Variants in PTCHD4 observed in about 807,000 individuals in gnomAD.
PTCHD4 encodes patched domain-containing protein 4.
In PTCHD4, 33 loss-of-function variants were observed where a neutral mutation model predicts 58.1. The ratio of observed to expected loss-of-function variants is 0.57; its 90% CI spans 0.43 to 0.76. The LOEUF (loss-of-function observed/expected upper bound fraction) is 0.76. Ranked by LOEUF, PTCHD4 falls within the 30% of genes least tolerant of loss-of-function variation. PTCHD4 has a pLI of 0.00. For synonymous variants in PTCHD4, 478 were observed against 409.6 expected (o/e 1.17, Z -2.02); for missense variants, 1,058 against 1,027.1 (o/e 1.03, Z -0.41).
At chr6:47,927,454 C>G (rs1198475466) in intron 4 of PTCHD4, among the ~76,000 whole-genome samples, 1 of 152,104 alleles carries the variant, frequency 6.6e-6, no homozygotes, top group African/African-American at 2.4e-5. Flanking sequence ...TGCTTGAGCC[C>G]TTTGCCAAAC....
intron 4 of PTCHD4, among the ~76,000 whole-genome samples, chr6:47,917,010 T>C (rs1302812207): frequency 6.6e-6 from 1 of 152,108 alleles, no homozygotes; most frequent in Non-Finnish European, 1.5e-5. Flanking sequence ...ATTCATTCTC[T>C]AAACTACAAT....
At chr6:47,963,859 A>G (rs1237951634) in intron 4 of PTCHD4, among the ~76,000 whole-genome samples, 1 of 152,230 alleles carries the variant, frequency 6.6e-6, no homozygotes, top group Non-Finnish European at 1.5e-5. Flanking sequence ...GTAGTAGGGT[A>G]TCTTCTGCTA....
chr6:48,101,528 T>G (rs900462081), intron 1 of PTCHD4, among the ~76,000 whole-genome samples: 3 of 152,200 alleles, frequency 2.0e-5, no homozygotes, highest in African/African-American at 7.2e-5. Flanking sequence ...GATGTAGTCA[T>G]AAAGTGATTC....
intron 1 of PTCHD4, among the ~76,000 whole-genome samples, chr6:48,082,846 T>C (rs1303890028): frequency 5.9e-5 from 9 of 152,030 alleles, no homozygotes; most frequent in Non-Finnish European, 1.3e-4. Flanking sequence ...TACGAAATAA[T>C]TATTTATATT....
At chr6:48,102,104 C>T (rs1384255047) in intron 1 of PTCHD4, among the ~76,000 whole-genome samples, 1 of 152,234 alleles carries the variant, frequency 6.6e-6, no homozygotes, top group Non-Finnish European at 1.5e-5. Context: ...GCAGGGAATA[C>T]AGGTTAAACT....
At chr6:48,063,936 G>A (rs1228382455) in intron 3 of PTCHD4, among the ~76,000 whole-genome samples, 1 of 152,036 alleles carries the variant, frequency 6.6e-6, no homozygotes, top group Non-Finnish European at 1.5e-5. Flanking sequence ...AATAATTAAC[G>A]GCAACATCTT....
chr6:48,014,926 A>T (rs1006531353), intron 3 of PTCHD4, among the ~76,000 whole-genome samples: 1 of 152,118 alleles, frequency 6.6e-6, no homozygotes, highest in African/African-American at 2.4e-5. Flanking sequence ...TTTGGCTCCC[A>T]TGAAATGTTC....
At chr6:47,908,949 C>T (rs1466588276) in intron 4 of PTCHD4, among the ~76,000 whole-genome samples, 11 of 152,176 alleles carry the variant, frequency 7.2e-5, no homozygotes, top group East Asian at 1.9e-4. Context: ...AAAGACACAA[C>T]GCTTTGCTCA....
rs1351114538 is a variant in PTCHD4, at chr6:47,882,713, C to T, written c.899-2777G>A. Among the ~76,000 whole-genome samples the T allele has an allele frequency of 4.8e-5, 4 of 83,790 alleles. No individual in the cohort carries two copies. The East Asian group carries it at 1.8e-3, about 37-fold the overall frequency. The allele number at this position is 83,790 out of a possible 152,430, so 55.0% of individuals were successfully genotyped here. ...AGGGTCAGTTAAAGTCTCCTATTTG[C>T]TATGAATCCATTTCTAATGATTCCA... is the stretch of plus-strand genomic sequence containing the variant. On this transcript the variant is annotated intron_variant, in intron 4 of 4. Coordinates refer to ENST00000339488, the MANE Select transcript of PTCHD4 (RefSeq NM_001384253.1).
At chr6:48,074,511 T>G (rs1012405788) in intron 1 of PTCHD4, among the ~76,000 whole-genome samples, 25 of 152,230 alleles carry the variant, frequency 1.6e-4, no homozygotes, top group African/African-American at 5.5e-4. Context: ...AGATTTCCTC[T>G]TAAGTCTCAT....
chr6:47,917,716 A>C (rs921452671), intron 4 of PTCHD4, among the ~76,000 whole-genome samples: 2 of 152,178 alleles, frequency 1.3e-5, no homozygotes, highest in African/African-American at 4.8e-5. Flanking sequence ...ATGTGGAGTT[A>C]TTGGAAGTTT....
chr6:48,102,934 G>A (rs945005172), intron 1 of PTCHD4, among the ~76,000 whole-genome samples: 1 of 152,198 alleles, frequency 6.6e-6, no homozygotes. Flanking sequence ...TCAGGCTCGA[G>A]TAGGTAAACA....
chr6:48,044,075 C>T (rs1347874727), intron 3 of PTCHD4, among the ~76,000 whole-genome samples: 1 of 151,786 alleles, frequency 6.6e-6, no homozygotes, highest in Non-Finnish European at 1.5e-5. Flanking sequence ...TGAATTCTTT[C>T]CTGAGACTGG....
chr6:48,045,807 G>T (rs1342619068), intron 3 of PTCHD4, among the ~76,000 whole-genome samples: 1 of 149,682 alleles, frequency 6.7e-6, no homozygotes, highest in East Asian at 2.0e-4. Flanking sequence ...CAGCTCTGCA[G>T]CTTTGAGTAC....
rs572747215 is a variant in PTCHD4, at chr6:47,912,791, C to G, written c.899-32855G>C. Among the ~76,000 whole-genome samples the G allele has an allele frequency of 1.7e-4, 26 of 152,106 alleles. No individual in the cohort carries two copies. In the South Asian group the frequency reaches 5.2e-3, roughly 30 times the overall value. On this transcript the variant is annotated intron_variant, in intron 4 of 4. Coordinates refer to ENST00000339488, the MANE Select transcript of PTCHD4 (RefSeq NM_001384253.1). ...AAAATATTATCTGCAAGGCTTTGTT[C>G]CAAGAGCAGCACAGAGTGCAAAGTG...
chr6:48,110,095 T>C (rs1765833078), intron 1 of PTCHD4, among the ~76,000 whole-genome samples: 1 of 152,134 alleles, frequency 6.6e-6, no homozygotes, highest in Admixed American at 6.6e-5. Flanking sequence ...ATACAGCAAT[T>C]CCACCACTGA....
Position 48,008,790 on chromosome 6 carries a change from A to G in PTCHD4, c.742T>C (p.Ser248Pro). The change falls in exon 4 of 5, where the codon TCC becomes CCC. Residue 248 changes from serine (S) to proline (P), a missense_variant. By Grantham distance (74) the Ser-to-Pro change is moderately conservative. Coordinates refer to ENST00000339488, the MANE Select transcript of PTCHD4 (RefSeq NM_001384253.1). The stretch of plus-strand genomic sequence containing the variant: ...CGCAAGCAGTCCTTCATGGAGCTGG[A>G]GAGGGTGGCTGTGGTCAGGATCAGC... Reference protein sequence around the residue: ...LVLILTTATLSSSMKDCLRSK... With the variant: ...LVLILTTATLPSSMKDCLRSK... The G allele has an allele frequency of 6.2e-7, 1 of 1,613,978 alleles. No individual in the cohort carries two copies. Among genetic ancestry groups the G allele is most frequent in the South Asian group, 1.1e-5 (1 of 91,084 alleles).
chr6:47,876,743 G>T lies in PTCHD4; in HGVS notation c.*1560C>A, dbSNP rs1321671086. On this transcript the variant is annotated 3_prime_UTR_variant, in exon 5 of 5. Coordinates refer to ENST00000339488, the MANE Select transcript of PTCHD4 (RefSeq NM_001384253.1). ...CTGGAAATAAATTATGTTACTGCTT[G>T]GCATGGGAAAAGGCATTTTCTAGTA... 6.6e-6 allele frequency among the ~76,000 whole-genome samples: 1 copy of T among 151,980 alleles called. No homozygotes were observed. The highest frequency in any genetic ancestry group is 1.5e-5 in the Non-Finnish European group (1 of 67,948).
chr6:48,064,867 A>T (rs1764745067), intron 3 of PTCHD4, among the ~76,000 whole-genome samples: 2 of 152,196 alleles, frequency 1.3e-5, no homozygotes, highest in African/African-American at 4.8e-5. Context: ...TTCAGAGGTC[A>T]TGTCATATAG....
Sources: gnomAD v4.1 joint callset for allele counts (sites outside exome capture counted in the v4.1 genomes callset) on GRCh38, gnomAD v4.1.1 for gene constraint, MANE v1.5 for transcripts, NCBI Gene and HGNC (gene_info 2026-07-23, HGNC 2026-07-21) for gene names.